RILPL2: variants seen among roughly 807,000 people sequenced by gnomAD.
The protein encoded by RILPL2 is Rab interacting lysosomal protein like 2, also known as RILP-like protein 2.
In RILPL2, 19 loss-of-function variants were observed where a neutral mutation model predicts 22.2. The ratio of observed to expected loss-of-function variants is 0.86; its 90% CI spans 0.60 to 1.25. The LOEUF (loss-of-function observed/expected upper bound fraction) is 1.25, where lower values mean the gene tolerates loss of function less well. Among genes scored for constraint, RILPL2 ranks in the 50% most tolerant of loss-of-function variants. The probability of loss-of-function intolerance (pLI) is 0.00; values close to 1 mark genes in which losing one functional copy is unlikely to be tolerated. For synonymous variants in RILPL2, 123 were observed against 111.6 expected (o/e 1.10, Z -0.64); for missense variants, 243 against 263.6 (o/e 0.92, Z 0.54).
At chr12:123,415,989 T>G (rs1009836902) in intron 3 of RILPL2, 68 bp from the exon 4 acceptor site, 1 of 1,514,170 alleles carries the variant, frequency 6.6e-7, no homozygotes, top group African/African-American at 1.4e-5. Flanking sequence ...GCAACCCCCG[T>G]AAAATTTCTA....
At chr12:123,435,446 A>G (rs2139257403) in intron 1 of RILPL2, among the ~76,000 whole-genome samples, 1 of 152,194 alleles carries the variant, frequency 6.6e-6, no homozygotes, top group South Asian at 2.1e-4. Flanking sequence ...TTTAGGTAAA[A>G]TGTGTTTCTT....
chr12:123,413,089 G>C (rs149465163), downstream of RILPL2: 11 of 153,040 alleles, frequency 7.2e-5, no homozygotes, highest in East Asian at 2.1e-3. Flanking sequence ...CCAGCTAGTC[G>C]GGAGGCTGAG....
chr12:123,422,910 C>T, intron 3 of RILPL2, 134 bp downstream of exon 3: 1 of 652,778 alleles, frequency 1.5e-6, no homozygotes, highest in Non-Finnish European at 2.8e-6. Flanking sequence ...TGAGTTTTCC[C>T]ATGGGCTGCA....
At chr12:123,414,212 G>C (rs1233822381), downstream of RILPL2, 1 of 154,964 alleles carries the variant, frequency 6.5e-6, no homozygotes, top group Non-Finnish European at 1.4e-5. Flanking sequence ...CCACGGAGGG[G>C]GTGGGAGGCT....
intron 2 of RILPL2, among the ~76,000 whole-genome samples, chr12:123,427,110 G>T (rs530391134): frequency 4.6e-5 from 7 of 152,088 alleles, no homozygotes; most frequent in African/African-American, 1.7e-4. Context: ...GCTGTGCCTG[G>T]CTTCTTATGG....
the RILPL2 span, chr12:123,409,405 T>C: frequency 6.6e-6 from 1 of 152,482 alleles, no homozygotes. Flanking sequence ...CACACCAGCA[T>C]GTCTAAGCTT....
Position 123,436,121 on chromosome 12 carries a change from C to T in RILPL2, c.300G>A (p.Val100=). 6.3e-7 allele frequency: 1 copy of T among 1,591,946 alleles called. No homozygotes were observed. The change falls in exon 1 of 4, where the codon GTG becomes GTA. Residue 100 remains valine (V), a synonymous_variant. Coordinates refer to ENST00000280571, the MANE Select transcript of RILPL2 (RefSeq NM_145058.3). The surrounding 1 kb of genome is among the most constrained non-coding windows in gnomAD (Gnocchi z 6.7). ...KMERDHLRKE[V]EGLRRQSPPA... ...GAGGGCTCTGTCTCCGCAGCCCCTC[C>T]ACCTCCTTCCTGAGGTGGTCCCTCT...
intron 3 of RILPL2, 116 bp from the exon 4 acceptor site, chr12:123,416,037 G>A: frequency 9.7e-7 from 1 of 1,031,918 alleles, no homozygotes; most frequent in East Asian, 2.4e-5. Flanking sequence ...AATATGTCCA[G>A]GCCAGGCATT....
intron 3 of RILPL2, among the ~76,000 whole-genome samples, chr12:123,420,402 G>A (rs954180013): frequency 1.2e-4 from 18 of 151,726 alleles, no homozygotes; most frequent in Admixed American, 2.6e-4. Context: ...GCCTCCCAAA[G>A]TCTTGGGATT....
Position 123,427,517 on chromosome 12 carries a change from A to G in RILPL2, c.491+2991T>C, listed in dbSNP as rs1216685986. Among the ~76,000 whole-genome samples, 4 of 151,958 alleles carry G rather than the reference A, an allele frequency of 2.6e-5. No individual in the cohort carries two copies. The East Asian group carries it at 5.8e-4, about 22-fold the overall frequency. On this transcript the variant is annotated intron_variant, in intron 2 of 3. Transcript: ENST00000280571. ...GAAATACTGCTGTGGCTCTCTTTGG[A>G]AGCAACCTACCATATTTCCCTGGAA...
At chr12:123,433,199 C>T (rs1470334722) in intron 1 of RILPL2, among the ~76,000 whole-genome samples, 4 of 151,856 alleles carry the variant, frequency 2.6e-5, no homozygotes, top group Non-Finnish European at 5.9e-5. Context: ...CTCTGCCTCC[C>T]GGGTTCAAGC....
chr12:123,435,947 G>T, intron 1 of RILPL2, 135 bp downstream of exon 1: 1 of 1,288,604 alleles, frequency 7.8e-7, no homozygotes, highest in Non-Finnish European at 1.0e-6. Flanking sequence ...GGGCAACACA[G>T]CGAGATCCCA....
chr12:123,425,975 A>G (rs1240635108), intron 2 of RILPL2, among the ~76,000 whole-genome samples: 2 of 151,998 alleles, frequency 1.3e-5, no homozygotes, highest in Non-Finnish European at 2.9e-5. Flanking sequence ...GTTATCAATA[A>G]TTAAAAAAAA....
chr12:123,431,283 G>A (rs943242176), intron 1 of RILPL2, among the ~76,000 whole-genome samples: 1 of 151,296 alleles, frequency 6.6e-6, no homozygotes, highest in Non-Finnish European at 1.5e-5. Context: ...ACATTGTGCT[G>A]AGTGAAATAA....
In RILPL2 at chr12:123,415,848, G is replaced by A; in HGVS notation, c.*43C>T. On this transcript the variant is annotated 3_prime_UTR_variant, in exon 4 of 4. Transcript: ENST00000280571. ...GTTTTGCCAGGCATCTTGGAAGGTT[G>A]TCTTCTAGAATCAGAGCCATAGCCT... 1 of 1,607,448 alleles carries A rather than the reference G, an allele frequency of 6.2e-7. No homozygotes were observed. The highest frequency in any genetic ancestry group is 8.5e-7 in the Non-Finnish European group (1 of 1,173,910).
intron 1 of RILPL2, among the ~76,000 whole-genome samples, chr12:123,432,893 T>G (rs1011352905): frequency 6.6e-6 from 1 of 152,124 alleles, no homozygotes; most frequent in Admixed American, 6.6e-5. Context: ...AGTAGAATAT[T>G]ATCTAGAAAT....
At chr12:123,417,684 C>T (rs1879156588) in intron 3 of RILPL2, among the ~76,000 whole-genome samples, 1 of 152,174 alleles carries the variant, frequency 6.6e-6, no homozygotes, top group Admixed American at 6.5e-5. Context: ...TACCAGAGTT[C>T]AAGCAATTCT....
chr12:123,431,378 A>C (rs760619288), intron 1 of RILPL2, among the ~76,000 whole-genome samples: 11 of 82,610 alleles, frequency 1.3e-4, no homozygotes, highest in Non-Finnish European at 1.8e-4. Context: ...GTAGAAAAGT[A>C]GTTACTGGGG....
chr12:123,421,997 TTCTC>T (rs987017482), intron 3 of RILPL2, among the ~76,000 whole-genome samples: 13 of 131,624 alleles, frequency 9.9e-5, no homozygotes, highest in African/African-American at 1.1e-4. Flanking sequence ...TTTTCTTTCT[TTCTC>T]TCTCTTTTTT....
Sources: gnomAD v4.1 joint callset for allele counts (sites outside exome capture counted in the v4.1 genomes callset) on GRCh38, gnomAD v4.1.1 for gene constraint, Gnocchi (gnomAD v3.1) non-coding constraint, MANE v1.5 for transcripts, NCBI Gene and HGNC (gene_info 2026-07-23, HGNC 2026-07-21) for gene names.